The following OPCML variants were observed in gnomAD, a reference collection of about 807,000 sequenced individuals.
OPCML encodes the protein opioid binding protein/cell adhesion molecule like, also known as opioid-binding protein/cell adhesion molecule.
OPCML carries 13 observed loss-of-function variants against 37.8 expected under a neutral mutation model. The ratio of observed to expected loss-of-function variants is 0.34; its 90% CI spans 0.22 to 0.55. The LOEUF is 0.55. Among genes scored for constraint, OPCML ranks in the 20% least tolerant of loss-of-function variants. The pLI is 0.91. For synonymous variants in OPCML, 176 were observed against 168.8 expected (o/e 1.04, Z -0.33); for missense variants, 341 against 435.6 (o/e 0.78, Z 1.93).
Position 132,436,226 on chromosome 11 carries a change from C to T in OPCML, c.776G>A (p.Gly259Asp). 1 of 1,614,202 alleles carries T rather than the reference C, an allele frequency of 6.2e-7. No individual in the cohort carries two copies. The highest frequency in any genetic ancestry group is 1.6e-4 in the Middle Eastern group (1 of 6,062). Residue 259 changes from glycine (G) to aspartate (D), a missense_variant, in exon 7 of 8, where the codon GGT becomes GAT. By Grantham distance (94) the Gly-to-Asp change is moderately conservative (BLOSUM62 -1). Coordinates refer to ENST00000524381, the MANE Select transcript of OPCML (RefSeq NM_001012393.5). ...GTTTTCAATCCTCATTCCATCCAGACCAGTGGCTAACCTGCAAGAGGGAAG... is the reference window on the plus strand; with the variant it reads ...GTTTTCAATCCTCATTCCATCCAGATCAGTGGCTAACCTGCAAGAGGGAAG... ...WFKEETRLAT[G>D]LDGMRIENKG...
At chr11:133,288,210 C>T (rs1942359322) in intron 1 of OPCML, among the ~76,000 whole-genome samples, 1 of 152,184 alleles carries the variant, frequency 6.6e-6, no homozygotes, top group Non-Finnish European at 1.5e-5. Context: ...GAGAGAAGTG[C>T]TTTTAAAAGG....
At chr11:133,213,834 A>T (rs1000152965) in intron 1 of OPCML, among the ~76,000 whole-genome samples, 1 of 152,314 alleles carries the variant, frequency 6.6e-6, no homozygotes, top group South Asian at 2.1e-4. Context: ...ATAGGATATG[A>T]TACACTTTTG....
chr11:133,408,725 A>G (rs1234775609), intron 1 of OPCML, among the ~76,000 whole-genome samples: 1 of 152,130 alleles, frequency 6.6e-6, no homozygotes, highest in Non-Finnish European at 1.5e-5. Flanking sequence ...GAGGAAACCA[A>G]AAGACCCTGA....
chr11:132,927,252 T>C (rs1392583224), intron 2 of OPCML, among the ~76,000 whole-genome samples: 1 of 152,004 alleles, frequency 6.6e-6, no homozygotes, highest in Non-Finnish European at 1.5e-5. Flanking sequence ...AGATACATTA[T>C]AAAAAAATGT....
At chr11:133,395,369 T>C (rs894927986) in intron 1 of OPCML, among the ~76,000 whole-genome samples, 3 of 152,334 alleles carry the variant, frequency 2.0e-5, no homozygotes, top group East Asian at 3.9e-4. Context: ...GCTGTTGTTG[T>C]TGTTTTGCTT....
intron 1 of OPCML, among the ~76,000 whole-genome samples, chr11:133,071,557 C>T (rs768152019): frequency 4.7e-4 from 71 of 152,310 alleles, no homozygotes; most frequent in Admixed American, 6.5e-4. Flanking sequence ...GAGTCAGACA[C>T]ATGGCTCTGT....
chr11:133,431,056 G>A (rs1182097477), intron 1 of OPCML, among the ~76,000 whole-genome samples: 1 of 152,154 alleles, frequency 6.6e-6, no homozygotes, highest in Non-Finnish European at 1.5e-5. Context: ...CATTTATCAA[G>A]TACCACATCT....
At chr11:133,077,600 G>A (rs1054359618) in intron 1 of OPCML, among the ~76,000 whole-genome samples, 3 of 152,012 alleles carry the variant, frequency 2.0e-5, no homozygotes, top group Admixed American at 6.6e-5. Context: ...TGATGACTGA[G>A]GATGACAGAA....
At chr11:132,860,118 T>G (rs377497703) in intron 2 of OPCML, 1 of 152,230 alleles carries the variant, frequency 6.6e-6, no homozygotes, top group African/African-American at 2.4e-5. Flanking sequence ...ATTTCGTGTA[T>G]GCAAAGCAGC....
intron 2 of OPCML, among the ~76,000 whole-genome samples, chr11:132,745,960 G>A (rs917436339): frequency 2.6e-5 from 4 of 152,182 alleles, no homozygotes; most frequent in Admixed American, 2.6e-4. Context: ...CTCCAAGGGA[G>A]CCACTCCTGA....
At chr11:132,797,466 G>A (rs1938393541) in intron 2 of OPCML, among the ~76,000 whole-genome samples, 1 of 152,172 alleles carries the variant, frequency 6.6e-6, no homozygotes, top group Non-Finnish European at 1.5e-5. Context: ...TAATCTAGAA[G>A]CACACCTCAG....
intron 1 of OPCML, among the ~76,000 whole-genome samples, chr11:133,509,515 G>A (rs1219166574): frequency 6.6e-6 from 1 of 152,144 alleles, no homozygotes; most frequent in Admixed American, 6.5e-5. Context: ...AGTAAGCTCA[G>A]CCCTTCTGCA....
chr11:132,448,047 G>A (rs895636079), intron 4 of OPCML, among the ~76,000 whole-genome samples: 6 of 152,206 alleles, frequency 3.9e-5, no homozygotes, highest in African/African-American at 1.4e-4. Flanking sequence ...GGCAGACCAA[G>A]TACCAGACCT....
At chr11:132,788,360 C>T (rs898183567) in intron 2 of OPCML, among the ~76,000 whole-genome samples, 9 of 152,126 alleles carry the variant, frequency 5.9e-5, no homozygotes, top group Non-Finnish European at 1.2e-4. Context: ...TCCAATCCAC[C>T]GCTAACTCCA....
chr11:132,925,659 G>A (rs1369051249), intron 2 of OPCML, among the ~76,000 whole-genome samples: 2 of 152,112 alleles, frequency 1.3e-5, no homozygotes, highest in South Asian at 2.1e-4. Context: ...CTGACTCCAG[G>A]GGTAGTTTCT....
chr11:132,678,788 A>G (rs1157827483), intron 2 of OPCML, among the ~76,000 whole-genome samples: 2 of 152,198 alleles, frequency 1.3e-5, no homozygotes, highest in African/African-American at 4.8e-5. Context: ...ACTCTGTATA[A>G]TACTAGCGTG....
At chr11:132,503,078 G>A (rs1480113072) in intron 4 of OPCML, among the ~76,000 whole-genome samples, 4 of 152,094 alleles carry the variant, frequency 2.6e-5, no homozygotes, top group Non-Finnish European at 5.9e-5. Context: ...GTCTTCCCCC[G>A]CTATTCTACA....
intron 1 of OPCML, among the ~76,000 whole-genome samples, chr11:133,254,094 G>C (rs918210636): frequency 6.6e-6 from 1 of 152,116 alleles, no homozygotes; most frequent in Admixed American, 6.5e-5. Context: ...GCAAATGTTA[G>C]AATCAGGGTA....
At chr11:133,265,942 C>G (rs1308614152) in intron 1 of OPCML, among the ~76,000 whole-genome samples, 1 of 152,112 alleles carries the variant, frequency 6.6e-6, no homozygotes, top group Non-Finnish European at 1.5e-5. Flanking sequence ...TTAGTCCCAA[C>G]AACTTCACTG....
Sources: allele counts gnomAD v4.1 joint callset (sites outside exome capture counted in the v4.1 genomes callset), GRCh38; gene constraint gnomAD v4.1.1; transcripts MANE v1.5; gene names NCBI Gene and HGNC (gene_info 2026-07-23, HGNC 2026-07-21).